Variants in NTM observed in about 807,000 individuals in gnomAD.
NTM encodes IgLON family member 2.
A neutral mutation model predicts 42.1 loss-of-function variants in NTM; 13 were observed. The ratio of observed to expected loss-of-function variants is 0.31; its 90% confidence interval spans 0.20 to 0.49. The LOEUF is 0.49. NTM is among the 20% of genes least tolerant of loss of function. The pLI, the probability that NTM is intolerant of heterozygous loss-of-function variation, is 0.99. For missense variants in NTM, 373 were observed against 452.8 expected (o/e 0.82, Z 1.60); for synonymous variants, 187 against 179.2 (o/e 1.04, Z -0.35).
chr11:132,319,100 C>G (rs780265711), intron 7 of NTM, among the ~76,000 whole-genome samples: 1 of 152,130 alleles, frequency 6.6e-6, no homozygotes, highest in Non-Finnish European at 1.5e-5. Context: ...TATTCACAGA[C>G]GTAAAATAGA....
chr11:131,508,815 C>T (rs1329356994), intron 1 of NTM, among the ~76,000 whole-genome samples: 2 of 147,430 alleles, frequency 1.4e-5, no homozygotes, highest in Admixed American at 7.0e-5. Flanking sequence ...TATTCTCACT[C>T]ATAGGTGGGA....
At chr11:131,453,730 A>G (rs545416364) in intron 1 of NTM, among the ~76,000 whole-genome samples, 1 of 152,312 alleles carries the variant, frequency 6.6e-6, no homozygotes, top group East Asian at 1.9e-4. Flanking sequence ...CCACGTCCAT[A>G]TGGAAAGCAG....
intron 2 of NTM, among the ~76,000 whole-genome samples, chr11:132,091,267 GCATAGTGGCA>G (rs2060342442): frequency 1.3e-5 from 2 of 151,964 alleles, no homozygotes; most frequent in South Asian, 4.2e-4. Context: ...AATTAGCTGG[GCATAGTGGCA>G]CATGACTGTA....
chr11:132,109,884 A>T lies in NTM; in HGVS notation c.168-36398A>T, dbSNP rs377123878. 5.3e-5 allele frequency among the ~76,000 whole-genome samples: 8 copies of T among 152,106 alleles called. No homozygotes were observed. The East Asian group carries it at 1.3e-3, about 26-fold the overall frequency. ...GCTTAGTTCCCACTTATGAGTGAGG[A>T]CATAAGATGTTTGGGTTTCCATTCC... On this transcript the variant is annotated intron_variant, in intron 2 of 8. Coordinates refer to ENST00000683400, the MANE Select transcript of NTM (RefSeq NM_001352005.2).
intron 2 of NTM, among the ~76,000 whole-genome samples, chr11:131,935,782 A>G (rs549773690): frequency 1.3e-5 from 2 of 152,352 alleles, no homozygotes; most frequent in African/African-American, 2.4e-5. Context: ...GATCAAAATT[A>G]CAGAAGAATC....
chr11:132,233,282 T>C (rs187493012), intron 4 of NTM, among the ~76,000 whole-genome samples: 1 of 152,282 alleles, frequency 6.6e-6, no homozygotes. Context: ...TAGCCAGGTA[T>C]GGTGGTACAC....
At chr11:132,292,114 C>G (rs934723792) in intron 4 of NTM, among the ~76,000 whole-genome samples, 7 of 152,070 alleles carry the variant, frequency 4.6e-5, no homozygotes, top group African/African-American at 1.7e-4. Flanking sequence ...GTCCAGGTAG[C>G]TGATGAAGGG....
In NTM at chr11:131,846,701, A is replaced by G. The variant is rs573580779; in HGVS notation, c.83-64863A>G. On this transcript the variant is annotated intron_variant, in intron 1 of 8. Transcript: ENST00000683400. The stretch of plus-strand genomic sequence containing the variant: ...TAGTACATATTCCATGTGTACTTGG[A>G]AATGTATGTATTATTTATAGAAATC... Among the ~76,000 whole-genome samples, 229 of 152,152 alleles carry G rather than the reference A, an allele frequency of 1.5e-3. 1 individual carries two copies. The highest frequency in any genetic ancestry group is 5.2e-3 in the African/African-American group (214 of 41,510).
chr11:132,051,336 T>C (rs749295238), intron 2 of NTM, among the ~76,000 whole-genome samples: 2 of 152,154 alleles, frequency 1.3e-5, no homozygotes, highest in Non-Finnish European at 2.9e-5. Flanking sequence ...ACTGAGGCCC[T>C]GAGAGATTAT....
intron 1 of NTM, among the ~76,000 whole-genome samples, chr11:131,697,581 C>T (rs1396619095): frequency 6.6e-6 from 1 of 152,170 alleles, no homozygotes; most frequent in Non-Finnish European, 1.5e-5. Flanking sequence ...CGGGATTTAT[C>T]TTCCAATTCA....
chr11:131,445,578 T>C (rs190468995), intron 1 of NTM, among the ~76,000 whole-genome samples: 79 of 152,148 alleles, frequency 5.2e-4, no homozygotes, highest in Admixed American at 8.5e-4. Context: ...TGGCTTGTGG[T>C]AATCAGTCCC....
intron 2 of NTM, among the ~76,000 whole-genome samples, chr11:131,931,986 G>A (rs1162979547): frequency 2.6e-5 from 4 of 152,180 alleles, no homozygotes; most frequent in Non-Finnish European, 5.9e-5. Flanking sequence ...GCGGTGCCTC[G>A]ATCTGTTTCC....
chr11:131,523,170 G>T (rs1391080524), intron 1 of NTM, among the ~76,000 whole-genome samples: 1 of 152,228 alleles, frequency 6.6e-6, no homozygotes, highest in Non-Finnish European at 1.5e-5. Flanking sequence ...TGAGATCACA[G>T]ATAGTATCTC....
At chr11:131,629,085 A>G (rs2137750010) in intron 1 of NTM, among the ~76,000 whole-genome samples, 1 of 152,374 alleles carries the variant, frequency 6.6e-6, no homozygotes, top group South Asian at 2.1e-4. Context: ...GATTAGGAAT[A>G]GGGAGATTTG....
At chr11:131,407,570 C>G (rs1331588011) in intron 1 of NTM, among the ~76,000 whole-genome samples, 4 of 152,170 alleles carry the variant, frequency 2.6e-5, no homozygotes, top group Non-Finnish European at 5.9e-5. Context: ...AGGGAAGAGC[C>G]ACAGAAAGGC....
In NTM at chr11:131,640,851, C is replaced by G. The variant is rs77742153; in HGVS notation, c.82+269963C>G. Reference sequence around the variant, plus strand: ...TGACTGTATCTGGCGCACAGTGTCTCCACATCAATAACTAAAGGCAACTGA... The same window carrying G: ...TGACTGTATCTGGCGCACAGTGTCTGCACATCAATAACTAAAGGCAACTGA... On this transcript the variant is annotated intron_variant, in intron 1 of 8. Coordinates refer to ENST00000683400, the MANE Select transcript of NTM (RefSeq NM_001352005.2). 6.2e-3 allele frequency among the ~76,000 whole-genome samples: 943 copies of G among 152,280 alleles called. 5 individuals carry two copies. Among genetic ancestry groups the G allele is most frequent in the African/African-American group, 0.021 (885 of 41,550 alleles).
chr11:131,709,376 G>A (rs751982495), intron 1 of NTM, among the ~76,000 whole-genome samples: 20 of 152,208 alleles, frequency 1.3e-4, no homozygotes, highest in Non-Finnish European at 2.6e-4. Flanking sequence ...GTGGAAGCAG[G>A]CAGACTTGTT....
At chr11:131,424,770 C>G (rs74643563) in intron 1 of NTM, among the ~76,000 whole-genome samples, 1 of 145,392 alleles carries the variant, frequency 6.9e-6, no homozygotes, top group South Asian at 2.2e-4. Context: ...AGGGTTTCAC[C>G]GTGTTAGCCA....
intron 2 of NTM, among the ~76,000 whole-genome samples, chr11:131,996,042 G>A (rs1593517754): frequency 6.6e-6 from 1 of 152,114 alleles, no homozygotes; most frequent in Non-Finnish European, 1.5e-5. Flanking sequence ...AAGACTGGGA[G>A]CATTAATTTC....
Sources: gnomAD v4.1 joint callset for allele counts (sites outside exome capture counted in the v4.1 genomes callset) on GRCh38, gnomAD v4.1.1 for gene constraint, MANE v1.5 for transcripts, NCBI Gene and HGNC (gene_info 2026-07-23, HGNC 2026-07-21) for gene names.